SMOC2: variants seen among roughly 807,000 people sequenced by gnomAD.
SMOC2 encodes the protein SPARC related modular calcium binding 2, also known as SPARC-related modular calcium-binding protein 2.
SMOC2 carries 39 observed loss-of-function variants against 61.4 expected under a neutral mutation model. The ratio of observed to expected loss-of-function variants is 0.64; its 90% CI spans 0.49 to 0.83. SMOC2 has a LOEUF of 0.83. Ranked by LOEUF, SMOC2 falls within the 40% of genes least tolerant of loss-of-function variation. SMOC2 has a pLI of 0.00. For missense variants in SMOC2, 556 were observed against 592.9 expected, an observed-to-expected ratio of 0.94 and a Z score of 0.65; for synonymous variants, 247 against 239.9, an observed-to-expected ratio of 1.03 and a Z score of -0.27.
rs118020195 is a variant in SMOC2 at position 168,537,217 on chromosome 6, G to A, written c.464-6408G>A. On this transcript the variant is annotated intron_variant, in intron 4 of 12. Coordinates refer to ENST00000356284, the MANE Select transcript of SMOC2 (RefSeq NM_001166412.2). ...AGAAGCACTTGCTTAGCTGAAAGCC[G>A]GTCCTATTTAGAGAGAGCAGTGTCT... 9.9e-4 allele frequency among the ~76,000 whole-genome samples: 150 copies of A among 150,900 alleles called. 2 individuals are homozygous for A. In the South Asian group the frequency reaches 0.021, roughly 21 times the overall value.
intron 7 of SMOC2, among the ~76,000 whole-genome samples, chr6:168,577,149 C>G (rs994057406): frequency 1.3e-5 from 2 of 152,166 alleles, no homozygotes; most frequent in Non-Finnish European, 2.9e-5. Context: ...CTGTAAGACT[C>G]TGCTGGACCA....
At chr6:168,571,116 C>T (rs573275786) in intron 7 of SMOC2, among the ~76,000 whole-genome samples, 6 of 152,278 alleles carry the variant, frequency 3.9e-5, no homozygotes, top group East Asian at 1.9e-4. Flanking sequence ...GAGCATGGAC[C>T]GCTGTGTGTA....
chr6:168,494,673 G>A (rs564681684), intron 1 of SMOC2, among the ~76,000 whole-genome samples: 4 of 152,334 alleles, frequency 2.6e-5, no homozygotes, highest in African/African-American at 4.8e-5. Context: ...TGGAGGAGAC[G>A]TGAATGGAGA....
At chr6:168,643,238 G>A (rs1786937521) in intron 9 of SMOC2, among the ~76,000 whole-genome samples, 1 of 152,114 alleles carries the variant, frequency 6.6e-6, no homozygotes, top group South Asian at 2.1e-4. Context: ...AGGGAGCACT[G>A]TCACACTTTA....
chr6:168,596,671 C>CAACAACCTCCAGA (rs1330545706), intron 7 of SMOC2, among the ~76,000 whole-genome samples: 2 of 152,252 alleles, frequency 1.3e-5, no homozygotes, highest in Non-Finnish European at 2.9e-5. Context: ...ACATTTCGCA[C>CAACAACCTCCAGA]AACCCCTGCT....
chr6:168,613,868 C>T (rs1247202014), intron 9 of SMOC2, among the ~76,000 whole-genome samples: 2 of 103,172 alleles, frequency 1.9e-5, no homozygotes, highest in Non-Finnish European at 4.0e-5. Flanking sequence ...CCTCTTCACA[C>T]CTACAGCCAG....
rs184497189 is a variant in SMOC2, at chr6:168,597,873, C to G, written c.638-945C>G. Reference sequence around the variant, plus strand: ...GTCAGGAGGCGGTTGCCAGCACGCACTTATTCTCAGGTATTCCTGGCTTAA... The same window carrying G: ...GTCAGGAGGCGGTTGCCAGCACGCAGTTATTCTCAGGTATTCCTGGCTTAA... On this transcript the variant is annotated intron_variant, in intron 7 of 12. Transcript: ENST00000356284. Among the ~76,000 whole-genome samples, 723 of 152,340 alleles carry G rather than the reference C, an allele frequency of 4.7e-3. 6 individuals carry two copies. The highest frequency in any genetic ancestry group is 0.017 in the African/African-American group (690 of 41,568).
At chr6:168,556,420 C>T (rs1230246220) in intron 7 of SMOC2, among the ~76,000 whole-genome samples, 1 of 152,182 alleles carries the variant, frequency 6.6e-6, no homozygotes, top group Non-Finnish European at 1.5e-5. Context: ...CCGCACCTCC[C>T]CACGCGGGAA....
intron 7 of SMOC2, among the ~76,000 whole-genome samples, chr6:168,596,581 T>G (rs1256859094): frequency 1.3e-5 from 2 of 152,224 alleles, no homozygotes; most frequent in Non-Finnish European, 2.9e-5. Flanking sequence ...CATCCTCAGC[T>G]GCTGCTCTCC....
In SMOC2 at chr6:168,535,030, G is replaced by GC; in HGVS notation, c.463+7304dup. Among the ~76,000 whole-genome samples the GC allele has an allele frequency of 6.6e-6, 1 of 152,132 alleles. No individual in the cohort carries two copies. The highest frequency in any genetic ancestry group is 3.4e-3 in the Middle Eastern group (1 of 294). On this transcript the variant is annotated intron_variant, in intron 4 of 12. Transcript: ENST00000356284. The surrounding 1 kb of genome is among the most constrained non-coding windows in gnomAD (Gnocchi z 4.6). ...CTGTCGCCCAGGCTGGAGTGCAGTG[G>GC]CACAATCTCGGCTCACTGCAACCTC...
chr6:168,568,000 G>A (rs1045060451), intron 7 of SMOC2, among the ~76,000 whole-genome samples: 8 of 150,510 alleles, frequency 5.3e-5, no homozygotes, highest in East Asian at 1.9e-4. Context: ...GGTGTGAGTC[G>A]GTGTCTCATA....
intron 1 of SMOC2, among the ~76,000 whole-genome samples, chr6:168,480,361 G>T (rs1449649703): frequency 3.3e-5 from 5 of 152,008 alleles, no homozygotes; most frequent in Non-Finnish European, 2.9e-5. Flanking sequence ...ACTAAAGAAA[G>T]ATGTGGAGAA....
chr6:168,598,703 C>G (rs568441358), intron 7 of SMOC2, 115 bp from the exon 8 acceptor site: 109 of 1,245,768 alleles, frequency 8.7e-5, no homozygotes, highest in Non-Finnish European at 1.2e-4. Flanking sequence ...CCTCCTGCTC[C>G]GGGGTGAAGG....
chr6:168,646,510 G>A (rs574402465), intron 9 of SMOC2, among the ~76,000 whole-genome samples: 1 of 152,322 alleles, frequency 6.6e-6, no homozygotes, highest in South Asian at 2.1e-4. Flanking sequence ...GAGAAAAGAA[G>A]AAACTACATA....
chr6:168,551,371 C>T (rs948871643), intron 7 of SMOC2, among the ~76,000 whole-genome samples: 7 of 152,002 alleles, frequency 4.6e-5, no homozygotes, highest in Admixed American at 3.3e-4. Context: ...TATGTTAGCA[C>T]CTAAACTTAA....
At chr6:168,549,560 C>T (rs1279855144) in intron 7 of SMOC2, among the ~76,000 whole-genome samples, 7 of 152,130 alleles carry the variant, frequency 4.6e-5, no homozygotes, top group East Asian at 1.9e-4. Flanking sequence ...TAAAGGTCTT[C>T]GTTCTCCTCA....
At chr6:168,558,203 A>G (rs1437176202) in intron 7 of SMOC2, among the ~76,000 whole-genome samples, 1 of 152,190 alleles carries the variant, frequency 6.6e-6, no homozygotes, top group Non-Finnish European at 1.5e-5. Flanking sequence ...TCCACCCTGA[A>G]CCTGCAGGCA....
At chr6:168,480,173 A>C (rs946471427) in intron 1 of SMOC2, among the ~76,000 whole-genome samples, 1 of 152,224 alleles carries the variant, frequency 6.6e-6, no homozygotes, top group African/African-American at 2.4e-5. Context: ...GAGTTATCAC[A>C]GTATTAAATT....
intron 1 of SMOC2, among the ~76,000 whole-genome samples, chr6:168,462,133 C>CT (rs1381381145): frequency 6.6e-6 from 1 of 152,156 alleles, no homozygotes; most frequent in Non-Finnish European, 1.5e-5. Flanking sequence ...TGCCCATCCT[C>CT]TGATTTCTTC....
Sources: gnomAD v4.1 joint callset for allele counts (sites outside exome capture counted in the v4.1 genomes callset) on GRCh38, gnomAD v4.1.1 for gene constraint, Gnocchi (gnomAD v3.1) non-coding constraint, MANE v1.5 for transcripts, NCBI Gene and HGNC (gene_info 2026-07-23, HGNC 2026-07-21) for gene names.